Variants in USP54 observed in about 807,000 individuals in gnomAD.
The protein encoded by USP54 is ubiquitin specific peptidase 54, also known as ubiquitin carboxyl-terminal hydrolase 54.
USP54 carries 87 observed loss-of-function variants against 170.5 expected under a neutral mutation model. That is an observed-to-expected ratio of 0.51 (90% CI 0.43 to 0.61). The LOEUF is 0.61. USP54 is among the 20% of genes least tolerant of loss of function. The probability of loss-of-function intolerance (pLI) is 0.00; values close to 1 mark genes in which losing one functional copy is unlikely to be tolerated. For missense variants in USP54, 1,786 were observed against 2,047.8 expected, an observed-to-expected ratio of 0.87 and a Z score of 2.47; for synonymous variants, 655 against 742.8, an observed-to-expected ratio of 0.88 and a Z score of 1.92.
chr10:73,570,144 T>G (rs1259124173), intron 4 of USP54, among the ~76,000 whole-genome samples: 1 of 151,968 alleles, frequency 6.6e-6, no homozygotes, highest in Non-Finnish European at 1.5e-5. Context: ...CAAAAATGAC[T>G]GTGGAAGCTT....
upstream of USP54, among the ~76,000 whole-genome samples, chr10:73,594,568 CTAA>C (rs2132234975): frequency 1.4e-5 from 2 of 142,944 alleles, no homozygotes; most frequent in East Asian, 4.5e-4. Context: ...CCAGACCCAG[CTAA>C]TTTTTTAAAG....
rs528082223 is a variant in USP54, at chr10:73,536,367, T to C, written c.1046A>G (p.Tyr349Cys). ...KGHYQPLLLL[Y>C]ADPQGTPVST... is the part of the protein sequence containing the mutation. The stretch of plus-strand genomic sequence containing the variant: ...AACTGGGGTACCCTGGGGATCTGCA[T>C]AAAGCAGCAGCAGGGGCTGATAATG... Residue 349 changes from tyrosine (Y) to cysteine (C), a missense_variant, in exon 11 of 24, where the codon TAT (tyrosine) becomes TGT (cysteine). Tyr to Cys is a radical substitution (Grantham distance 194). This residue lies in a region of USP54 where 361 missense variants were observed against 455.0 expected (regional missense o/e 0.79). Coordinates refer to ENST00000687698, the MANE Select transcript of USP54 (RefSeq NM_001391956.1). The C allele has an allele frequency of 1.2e-6, 2 of 1,612,136 alleles. No individual in the cohort carries two copies. The highest frequency in any genetic ancestry group is 1.1e-5 in the South Asian group (1 of 90,708).
intron 22 of USP54, 149 bp from the exon 23 acceptor site, chr10:73,500,987 AT>A: frequency 1.2e-6 from 1 of 806,656 alleles, no homozygotes; most frequent in Non-Finnish European, 1.9e-6. Flanking sequence ...ACAGGACCCA[AT>A]TTACTCAGTT....
At chr10:73,608,293 A>G (rs2079847576) in intron 1 of USP54, among the ~76,000 whole-genome samples, 2 of 152,088 alleles carry the variant, frequency 1.3e-5, no homozygotes, top group Admixed American at 6.6e-5. Context: ...ACAGTTATTC[A>G]GACTTTCTCT....
At position 73,517,085 on chromosome 10, in the gene USP54, C is replaced by T; in HGVS notation, c.3341G>A (p.Ser1114Asn). The change falls in exon 20 of 24, where the codon AGT becomes AAT. Residue 1114 changes from serine (S) to asparagine (N), a missense_variant. Ser to Asn is a conservative substitution (Grantham distance 46). Transcript: ENST00000687698. Reference protein sequence around the residue: ...TSLTLKVDRGSEETYRPEFPS... With the variant: ...TSLTLKVDRGNEETYRPEFPS... ...AAACTCTGGCCTATAGGTCTCCTCA[C>T]TGCCTCTGTCCACTTTTAAAGTCAA... 5 of 1,614,242 alleles carry T rather than the reference C, an allele frequency of 3.1e-6. No individual in the cohort carries two copies. The highest frequency in any genetic ancestry group is 4.2e-6 in the Non-Finnish European group (5 of 1,180,050).
chr10:73,570,482 T>A (rs2074928340), intron 4 of USP54, among the ~76,000 whole-genome samples: 1 of 150,620 alleles, frequency 6.6e-6, no homozygotes, highest in Non-Finnish European at 1.5e-5. Flanking sequence ...AAGAATCTTT[T>A]AAGTGTGGTA....
chr10:73,612,457 C>T (rs2132316914), intron 1 of USP54, among the ~76,000 whole-genome samples: 1 of 152,252 alleles, frequency 6.6e-6, no homozygotes, highest in East Asian at 1.9e-4. Context: ...TTATAACAGC[C>T]TATTCTAGTG....
chr10:73,576,898 G>A (rs760988496), intron 1 of USP54, among the ~76,000 whole-genome samples: 8 of 152,196 alleles, frequency 5.3e-5, no homozygotes, highest in Non-Finnish European at 8.8e-5. Flanking sequence ...TGCAGTCCAA[G>A]AGAACTAAAT....
intron 4 of USP54, among the ~76,000 whole-genome samples, chr10:73,556,047 A>G (rs2070893070): frequency 6.6e-6 from 1 of 152,200 alleles, no homozygotes; most frequent in African/African-American, 2.4e-5. Context: ...AGGACCATAT[A>G]AATATGCTCA....
intron 1 of USP54, among the ~76,000 whole-genome samples, chr10:73,584,404 C>A (rs1006673413): frequency 6.6e-6 from 1 of 151,842 alleles, no homozygotes; most frequent in Non-Finnish European, 1.5e-5. Flanking sequence ...AAAGAAGAGA[C>A]GTTGACGTAG....
At chr10:73,606,642 G>GC (rs1488195774) in intron 1 of USP54, among the ~76,000 whole-genome samples, 3 of 152,136 alleles carry the variant, frequency 2.0e-5, no homozygotes. Context: ...ACTTTGGGAG[G>GC]CCGAGGTGGG....
At chr10:73,608,691 T>C (rs992361364) in intron 1 of USP54, among the ~76,000 whole-genome samples, 3 of 152,010 alleles carry the variant, frequency 2.0e-5, no homozygotes, top group Non-Finnish European at 2.9e-5. Context: ...AGCCCAGGAG[T>C]TCGAGACCAG....
At chr10:73,548,866 A>G (rs1424017046) in intron 4 of USP54, among the ~76,000 whole-genome samples, 1 of 152,212 alleles carries the variant, frequency 6.6e-6, no homozygotes, top group East Asian at 1.9e-4. Flanking sequence ...TAGAACTTAA[A>G]GTATAATTTT....
At chr10:73,515,394 A>G (rs1254148479) in intron 20 of USP54, among the ~76,000 whole-genome samples, 1 of 152,240 alleles carries the variant, frequency 6.6e-6, no homozygotes, top group East Asian at 1.9e-4. Flanking sequence ...AAAATAGTTC[A>G]GGCTTTGGAG....
rs2076003268 is a variant in USP54, at chr10:73,575,554, A to G, written c.105T>C (p.Asn35=). The G allele has an allele frequency of 6.2e-7, 1 of 1,613,866 alleles. No individual in the cohort carries two copies. The highest frequency in any genetic ancestry group is 1.3e-5 in the African/African-American group (1 of 74,922). The change falls in exon 3 of 24, where the codon AAT becomes AAC. Residue 35 remains asparagine, a synonymous_variant. Transcript: ENST00000687698. Reference sequence around the variant, plus strand: ...GGAAGCAGCTGTTTTGCCCTGGCTCATTGCTGAGGCCTTTGCTGGGGGCTA... The same window carrying G: ...GGAAGCAGCTGTTTTGCCCTGGCTCGTTGCTGAGGCCTTTGCTGGGGGCTA... ...TSIAPSKGLS[N]EPGQNSCFLN...
At chr10:73,533,897 T>C (rs1437417805) in intron 12 of USP54, among the ~76,000 whole-genome samples, 2 of 152,240 alleles carry the variant, frequency 1.3e-5, no homozygotes, top group Admixed American at 6.5e-5. Context: ...AATAGGCCCC[T>C]TCTATCAAAG....
chr10:73,564,528 T>C (rs1484268633), intron 4 of USP54, among the ~76,000 whole-genome samples: 1 of 152,072 alleles, frequency 6.6e-6, no homozygotes, highest in Non-Finnish European at 1.5e-5. Context: ...ATTATCTTAA[T>C]TATTAGTTTT....
At chr10:73,580,547 T>G (rs112927018) in intron 1 of USP54, among the ~76,000 whole-genome samples, 5,343 of 152,184 alleles carry the variant, frequency 0.035, 152 homozygotes, top group South Asian at 0.11. Context: ...CTATTACTAT[T>G]GTGTTACAAT....
intron 3 of USP54, among the ~76,000 whole-genome samples, chr10:73,573,483 G>C (rs912610402): frequency 6.6e-6 from 1 of 152,028 alleles, no homozygotes; most frequent in African/African-American, 2.4e-5. Flanking sequence ...TGAGAAAGAG[G>C]CTGGGCACAG....
Sources: allele counts gnomAD v4.1 joint callset (sites outside exome capture counted in the v4.1 genomes callset), GRCh38; gene constraint gnomAD v4.1.1; regional missense constraint gnomAD v4.1.1; transcripts MANE v1.5; gene names NCBI Gene and HGNC (gene_info 2026-07-23, HGNC 2026-07-21).